The following TRIM44 variants were observed in gnomAD, a reference collection of about 807,000 sequenced individuals.
TRIM44 encodes tripartite motif-containing protein 44.
Under a neutral mutation model 37.4 loss-of-function variants are expected in TRIM44, and 13 were observed. The ratio of observed to expected loss-of-function variants is 0.35; its 90% CI spans 0.23 to 0.55. TRIM44 has a LOEUF of 0.55. Ranked by LOEUF, TRIM44 falls within the 20% of genes least tolerant of loss-of-function variation. The probability of loss-of-function intolerance (pLI) is 0.89; values close to 1 mark genes in which losing one functional copy is unlikely to be tolerated. For missense variants in TRIM44, 426 were observed against 437.2 expected, an observed-to-expected ratio of 0.97 and a Z score of 0.23; for synonymous variants, 175 against 157.2, an observed-to-expected ratio of 1.11 and a Z score of -0.85.
At chr11:35,735,603 C>T (rs1298687961) in intron 4 of TRIM44, among the ~76,000 whole-genome samples, 158 bp downstream of exon 4, 1 of 152,108 alleles carries the variant, frequency 6.6e-6, no homozygotes, top group Non-Finnish European at 1.5e-5. Context: ...GTAAGACTCC[C>T]GTCTCCCTCT....
At chr11:35,695,844 A>G (rs568108010) in intron 2 of TRIM44, among the ~76,000 whole-genome samples, 2 of 152,204 alleles carry the variant, frequency 1.3e-5, no homozygotes, top group East Asian at 1.9e-4. Flanking sequence ...ACTTTGTAAC[A>G]TATGTTAATA....
intron 1 of TRIM44, among the ~76,000 whole-genome samples, chr11:35,671,219 A>G (rs897007987): frequency 1.3e-5 from 2 of 152,258 alleles, no homozygotes; most frequent in African/African-American, 4.8e-5. Flanking sequence ...CAAACGTGTA[A>G]TAAGTATTAT....
chr11:35,705,893 G>A (rs1054345501), intron 2 of TRIM44, among the ~76,000 whole-genome samples: 2 of 148,506 alleles, frequency 1.3e-5, no homozygotes, highest in African/African-American at 4.9e-5. Flanking sequence ...GCTAGCAGAG[G>A]CAAGAAATAA....
intron 4 of TRIM44, among the ~76,000 whole-genome samples, chr11:35,803,028 TATC>T (rs1043202025): frequency 2.0e-5 from 3 of 152,204 alleles, no homozygotes; most frequent in African/African-American, 7.2e-5. Context: ...TAACATTTTT[TATC>T]ATTTGTATTG....
chr11:35,787,188 C>T (rs1223490924), intron 4 of TRIM44, among the ~76,000 whole-genome samples: 1 of 152,184 alleles, frequency 6.6e-6, no homozygotes, highest in Non-Finnish European at 1.5e-5. Context: ...TGGTGCATCC[C>T]TGAGCAGCTG....
chr11:35,709,664 G>A (rs573559031), intron 2 of TRIM44, among the ~76,000 whole-genome samples: 48 of 152,018 alleles, frequency 3.2e-4, no homozygotes, highest in Admixed American at 2.6e-3. Context: ...ATGCAAATCC[G>A]TGGGGCTCCA....
At chr11:35,679,179 C>T (rs909832197) in intron 1 of TRIM44, among the ~76,000 whole-genome samples, 3 of 152,214 alleles carry the variant, frequency 2.0e-5, no homozygotes, top group East Asian at 1.9e-4. Context: ...TTTGCTGACA[C>T]GTGACTTTTC....
chr11:35,718,815 T>C (rs1265946412), intron 2 of TRIM44, among the ~76,000 whole-genome samples: 3 of 152,176 alleles, frequency 2.0e-5, no homozygotes, highest in African/African-American at 7.2e-5. Flanking sequence ...TCCAAGCCTT[T>C]TAGATTGGCT....
chr11:35,669,223 T>C (rs2135482396), intron 1 of TRIM44, among the ~76,000 whole-genome samples: 1 of 152,326 alleles, frequency 6.6e-6, no homozygotes, highest in East Asian at 1.9e-4. Context: ...ACAACTTGTT[T>C]AGAATCCCCT....
chr11:35,664,210 C>G (rs1026026136), intron 1 of TRIM44, among the ~76,000 whole-genome samples: 22 of 152,158 alleles, frequency 1.4e-4, no homozygotes, highest in African/African-American at 5.1e-4. Flanking sequence ...GCAAGTGATA[C>G]GTCTGCATTG....
At chr11:35,699,066 G>C (rs557742642) in intron 2 of TRIM44, among the ~76,000 whole-genome samples, 3 of 147,672 alleles carry the variant, frequency 2.0e-5, no homozygotes, top group East Asian at 2.0e-4. Context: ...TCTTGTTTTT[G>C]TCAGGTTTGT....
chr11:35,695,829 G>T lies in TRIM44; in HGVS notation c.747+10493G>T, dbSNP rs193231211. On this transcript the variant is annotated intron_variant, in intron 2 of 4. Transcript: ENST00000299413. Reference sequence around the variant, plus strand: ...GACATATTAGAATTATAGAGATCTCGTACAACTTTGTAACATATGTTAATA... The same window carrying T: ...GACATATTAGAATTATAGAGATCTCTTACAACTTTGTAACATATGTTAATA... Among the ~76,000 whole-genome samples, 321 of 151,344 alleles carry T rather than the reference G, an allele frequency of 2.1e-3. 1 individual carries two copies. Among genetic ancestry groups the T allele is most frequent in the African/African-American group, 7.5e-3 (310 of 41,268 alleles).
intron 4 of TRIM44, among the ~76,000 whole-genome samples, chr11:35,804,448 A>G (rs1853420705): frequency 6.6e-6 from 1 of 152,242 alleles, no homozygotes; most frequent in African/African-American, 2.4e-5. Context: ...AATTCTGTAT[A>G]CAATTTCATT....
chr11:35,697,472 C>G (rs11512234), intron 2 of TRIM44, among the ~76,000 whole-genome samples: 388 of 136,712 alleles, frequency 2.8e-3, no homozygotes, highest in Non-Finnish European at 4.7e-3. Flanking sequence ...TTTATTATAC[C>G]TTTAAGTTTT....
At chr11:35,769,043 C>T (rs1372179194) in intron 4 of TRIM44, among the ~76,000 whole-genome samples, 3 of 152,162 alleles carry the variant, frequency 2.0e-5, no homozygotes, top group Non-Finnish European at 4.4e-5. Flanking sequence ...AGTGGATCCA[C>T]ATTTGTCCAT....
chr11:35,803,718 C>T (rs944941061), intron 4 of TRIM44, among the ~76,000 whole-genome samples: 2 of 152,122 alleles, frequency 1.3e-5, no homozygotes, highest in Non-Finnish European at 2.9e-5. Flanking sequence ...AAGACTCCAT[C>T]TCAAATATAA....
intron 2 of TRIM44, among the ~76,000 whole-genome samples, chr11:35,700,017 A>G (rs927203240): frequency 6.6e-6 from 1 of 152,204 alleles, no homozygotes; most frequent in African/African-American, 2.4e-5. Flanking sequence ...GAAAATGGCC[A>G]TACTGCCCAA....
Position 35,741,437 on chromosome 11 carries a change from C to T in TRIM44, c.1007+5992C>T, listed in dbSNP as rs186122389. Among the ~76,000 whole-genome samples the T allele has an allele frequency of 1.9e-3, 292 of 152,256 alleles. 2 individuals are homozygous for T. Among genetic ancestry groups the T allele is most frequent in the South Asian group, 0.013 (64 of 4,820 alleles). The stretch of plus-strand genomic sequence containing the variant: ...TATTTTGTGCATGTTAGTATATTAA[C>T]CAGAGATTCCATTCACAGCTGGAAA... On this transcript the variant is annotated intron_variant, in intron 4 of 4. Transcript: ENST00000299413.
intron 1 of TRIM44, among the ~76,000 whole-genome samples, chr11:35,664,020 T>C (rs377453598): frequency 6.6e-6 from 1 of 152,154 alleles, no homozygotes; most frequent in Non-Finnish European, 1.5e-5. Flanking sequence ...TCTAGAAAAT[T>C]GCAAGTTTCT....
Sources: gnomAD v4.1 joint callset for allele counts (sites outside exome capture counted in the v4.1 genomes callset) on GRCh38, gnomAD v4.1.1 for gene constraint, MANE v1.5 for transcripts, NCBI Gene and HGNC (gene_info 2026-07-23, HGNC 2026-07-21) for gene names.